The following SPATA6L variants were observed in gnomAD, a reference collection of about 807,000 sequenced individuals.
The protein encoded by SPATA6L is spermatogenesis associated 6 like.
In SPATA6L, 68 loss-of-function variants were observed where a neutral mutation model predicts 49.2. The ratio of observed to expected loss-of-function variants is 1.38; its 90% CI spans 1.14 to 1.69. The LOEUF (loss-of-function observed/expected upper bound fraction) is 1.69. SPATA6L is among the 40% of genes most tolerant of loss of function. SPATA6L has a pLI of 0.00. For synonymous variants in SPATA6L, 198 were observed against 165.7 expected, an observed-to-expected ratio of 1.19 and a Z score of -1.50; for missense variants, 668 against 464.3, an observed-to-expected ratio of 1.44 and a Z score of -4.03.
chr9:4,625,196 T>C, intron 6 of SPATA6L, 131 bp downstream of exon 6: 2 of 1,414,786 alleles, frequency 1.4e-6, no homozygotes, highest in Non-Finnish European at 1.9e-6. Flanking sequence ...TTAATCACAA[T>C]TATTATTCAA....
intron 13 of SPATA6L, among the ~76,000 whole-genome samples, chr9:4,589,259 C>T (rs1267010463): frequency 3.3e-5 from 5 of 152,212 alleles, no homozygotes; most frequent in South Asian, 4.1e-4. Flanking sequence ...CTATGTCTAA[C>T]GAATGCTAGT....
chr9:4,589,560 A>G (rs983906775), intron 13 of SPATA6L, among the ~76,000 whole-genome samples: 1 of 152,236 alleles, frequency 6.6e-6, no homozygotes, highest in South Asian at 2.1e-4. Flanking sequence ...AATTTTTTCT[A>G]TAAAGTGTCA....
intron 5 of SPATA6L, chr9:4,626,183 G>T: frequency 4.6e-6 from 1 of 217,112 alleles, no homozygotes; most frequent in Non-Finnish European, 9.2e-6. Context: ...ATTCCTGTTA[G>T]CATCATTCCT....
chr9:4,618,742 A>C, intron 8 of SPATA6L, 122 bp downstream of exon 8: 1 of 928,026 alleles, frequency 1.1e-6, no homozygotes, highest in Non-Finnish European at 1.7e-6. Flanking sequence ...CAAACACTAA[A>C]CTACAGCAAT....
At position 4,662,333 on chromosome 9, in the gene SPATA6L, T is replaced by C; in HGVS notation, c.40-297A>G. 6.9e-7 allele frequency: 1 copy of C among 1,459,752 alleles called. No individual in the cohort carries two copies. The highest frequency in any genetic ancestry group is 9.0e-7 in the Non-Finnish European group (1 of 1,112,952). 90.4% of individuals were successfully genotyped at this position (1,459,752 alleles called of 1,614,324 possible). On this transcript the variant is annotated intron_variant, in intron 1 of 11. Transcript: ENST00000682582. The surrounding 1 kb of genome is among the most constrained non-coding windows in gnomAD (Gnocchi z 4.9). Reference sequence around the variant, plus strand: ...AGAGGCTGCAGGGCCGGGAAGCCTCTGTTTGGTCCGGCCAGGTCCCGGGAT... The same window carrying C: ...AGAGGCTGCAGGGCCGGGAAGCCTCCGTTTGGTCCGGCCAGGTCCCGGGAT...
chr9:4,658,811 G>A (rs367376), intron 2 of SPATA6L, among the ~76,000 whole-genome samples: 92,418 of 151,910 alleles, frequency 0.61, 29,483 homozygotes, highest in African/African-American at 0.81. Context: ...GGCCAACATG[G>A]TGAAACCCTG....
At chr9:4,605,270 T>C (rs1465894401) in intron 10 of SPATA6L, 77 bp downstream of exon 10, 4 of 1,092,484 alleles carry the variant, frequency 3.7e-6, no homozygotes, top group South Asian at 2.6e-5. Context: ...TTAATGTCTG[T>C]CTCCCCGACT....
intron 2 of SPATA6L, 26 bp downstream of exon 2, chr9:4,661,873 A>G (rs949052995): frequency 1.2e-6 from 2 of 1,611,846 alleles, no homozygotes; most frequent in Non-Finnish European, 1.7e-6. Flanking sequence ...TCAGACAACA[A>G]AAGCCAATGA....
chr9:4,652,579 G>C (rs1382421956), intron 3 of SPATA6L, among the ~76,000 whole-genome samples: 2 of 152,036 alleles, frequency 1.3e-5, no homozygotes, highest in African/African-American at 4.8e-5. Flanking sequence ...GCTGGGTACG[G>C]TGTCTCATAC....
chr9:4,597,319 T>TACACACACAC (rs57570250), downstream of SPATA6L, among the ~76,000 whole-genome samples: 21 of 144,002 alleles, frequency 1.5e-4, no homozygotes, highest in South Asian at 2.5e-3. Flanking sequence ...GAAAACAAAA[T>TACACACACAC]ACACACACAC....
intron 5 of SPATA6L, chr9:4,628,610 C>A (rs1830801526): frequency 6.4e-6 from 1 of 155,838 alleles, no homozygotes. Context: ...CCATGCCCAG[C>A]TACTTTTTGT....
At position 4,605,443 on chromosome 9, in the gene SPATA6L, G is replaced by A. The variant is rs763653384; in HGVS notation, c.996-3C>T. The A allele has an allele frequency of 6.2e-6, 10 of 1,610,730 alleles. No homozygotes were observed. The South Asian group carries it at 8.8e-5, about 14-fold the overall frequency. On this transcript the variant is annotated splice_polypyrimidine_tract_variant and splice_region_variant and intron_variant, in intron 9 of 11. Coordinates refer to ENST00000682582, the MANE Select transcript of SPATA6L (RefSeq NM_001353486.2). ...TGGACTGAGAACCAGGATGGAACCT[G>A]CTCAACAGATGGAACAGGGTGGAAT...
chr9:4,663,077 A>G (rs1382943644), intron 1 of SPATA6L: 1 of 1,613,576 alleles, frequency 6.2e-7, no homozygotes, highest in Non-Finnish European at 8.5e-7. Context: ...TGGCCATTCC[A>G]CTGAGGGTGC....
chr9:4,622,324 G>C, intron 7 of SPATA6L, 84 bp downstream of exon 7: 1 of 836,746 alleles, frequency 1.2e-6, no homozygotes, highest in Non-Finnish European at 2.0e-6. Context: ...AACATCACCT[G>C]TGATTCCTCA....
downstream of SPATA6L, chr9:4,596,329 A>ACGT (rs1259344414): frequency 1.1e-4 from 16 of 152,106 alleles, no homozygotes; most frequent in African/African-American, 3.9e-4. Context: ...CTGGGAGGAG[A>ACGT]CCCAGTGAAC....
At chr9:4,629,676 A>T (rs1215505617) in intron 4 of SPATA6L, among the ~76,000 whole-genome samples, 1 of 150,680 alleles carries the variant, frequency 6.6e-6, no homozygotes, top group Non-Finnish European at 1.5e-5. Flanking sequence ...CTAATTCCAA[A>T]TTCATTTTGT....
chr9:4,634,637 G>A (rs1160038529), intron 4 of SPATA6L, among the ~76,000 whole-genome samples: 1 of 152,152 alleles, frequency 6.6e-6, no homozygotes, highest in African/African-American at 2.4e-5. Flanking sequence ...CAAAAGTGTG[G>A]CCTTTTAAAT....
intron 3 of SPATA6L, among the ~76,000 whole-genome samples, chr9:4,636,353 T>C (rs190493179): frequency 4.1e-4 from 63 of 152,332 alleles, no homozygotes; most frequent in Non-Finnish European, 7.3e-4. Context: ...TTTTTTACAG[T>C]GACTTGTATA....
At position 4,662,224 on chromosome 9, in the gene SPATA6L, C is replaced by A. The variant is rs1204202251; in HGVS notation, c.40-188G>T. The A allele has an allele frequency of 4.2e-6, 6 of 1,434,396 alleles. No individual in the cohort carries two copies. The highest frequency in any genetic ancestry group is 4.5e-6 in the Non-Finnish European group (5 of 1,099,284). The allele number at this position is 1,434,396 out of a possible 1,614,324, so 88.9% of individuals were successfully genotyped here. On this transcript the variant is annotated intron_variant, in intron 1 of 11. Transcript: ENST00000682582. The surrounding 1 kb of genome is among the most constrained non-coding windows in gnomAD (Gnocchi z 4.9). Reference sequence around the variant, plus strand: ...CTCCTCACATTGGAAATTCCAACTCCCTCCCACGTCTCCACCAGGTGTCAC... The same window carrying A: ...CTCCTCACATTGGAAATTCCAACTCACTCCCACGTCTCCACCAGGTGTCAC...
Sources: gnomAD v4.1 joint callset for allele counts (sites outside exome capture counted in the v4.1 genomes callset) on GRCh38, gnomAD v4.1.1 for gene constraint, Gnocchi (gnomAD v3.1) non-coding constraint, MANE v1.5 for transcripts, NCBI Gene and HGNC (gene_info 2026-07-23, HGNC 2026-07-21) for gene names.